The following PCDH15 variants were observed in gnomAD, a reference collection of about 807,000 sequenced individuals.
PCDH15 encodes protocadherin related 15.
Under a neutral mutation model 178.5 loss-of-function variants are expected in PCDH15, and 129 were observed. The observed-to-expected ratio is 0.72, with a 90% CI of 0.63 to 0.84. The LOEUF is 0.84. Ranked by LOEUF, PCDH15 falls within the 40% of genes least tolerant of loss-of-function variation. The pLI is 0.00. For synonymous variants in PCDH15, 800 were observed against 732.0 expected, an observed-to-expected ratio of 1.09 and a Z score of -1.50; for missense variants, 2,230 against 2,099.9, an observed-to-expected ratio of 1.06 and a Z score of -1.21.
intron 2 of PCDH15, among the ~76,000 whole-genome samples, chr10:55,475,693 G>T (rs1192107122): frequency 6.6e-6 from 1 of 152,044 alleles, no homozygotes; most frequent in Admixed American, 6.6e-5. Flanking sequence ...GTTTAAACTT[G>T]GGTCTCATCA....
chr10:54,846,364 G>C (rs115561884), intron 3 of PCDH15, among the ~76,000 whole-genome samples: 1 of 151,950 alleles, frequency 6.6e-6, no homozygotes, highest in East Asian at 1.9e-4. Context: ...CAGGTCCCTC[G>C]GGGTTTGTTA....
At chr10:55,550,932 CAA>C (rs1841991816) in intron 2 of PCDH15, among the ~76,000 whole-genome samples, 1 of 152,046 alleles carries the variant, frequency 6.6e-6, no homozygotes, top group African/African-American at 2.4e-5. Context: ...ATATTTGAGT[CAA>C]AATATTTTGT....
intron 4 of PCDH15, among the ~76,000 whole-genome samples, chr10:54,372,593 T>C (rs770365881): frequency 6.6e-6 from 1 of 151,946 alleles, no homozygotes; most frequent in Non-Finnish European, 1.5e-5. Context: ...AGTGAGAGTT[T>C]AGGGACTCTA....
chr10:54,331,311 GAC>G (rs1293074054), intron 6 of PCDH15, among the ~76,000 whole-genome samples: 1 of 151,592 alleles, frequency 6.6e-6, no homozygotes, highest in Non-Finnish European at 1.5e-5. Context: ...GATGCATAAA[GAC>G]ACACACACTG....
At chr10:55,573,031 CAAG>C (rs1842436685) in intron 2 of PCDH15, among the ~76,000 whole-genome samples, 1 of 152,014 alleles carries the variant, frequency 6.6e-6, no homozygotes, top group Non-Finnish European at 1.5e-5. Context: ...GACAATGTGA[CAAG>C]AAGAATGGAT....
chr10:55,211,846 T>C (rs913991681), intron 1 of PCDH15, among the ~76,000 whole-genome samples: 8 of 152,066 alleles, frequency 5.3e-5, no homozygotes, highest in African/African-American at 1.9e-4. Context: ...TTTATAGAAA[T>C]GATACAGAAG....
chr10:54,614,326 C>T (rs1246888981), intron 2 of PCDH15, among the ~76,000 whole-genome samples: 1 of 151,908 alleles, frequency 6.6e-6, no homozygotes, highest in Non-Finnish European at 1.5e-5. Context: ...CAAATCTCCG[C>T]TATTTTATTT....
At chr10:54,413,172 ATC>A (rs36062781) in intron 3 of PCDH15, among the ~76,000 whole-genome samples, 1 of 151,090 alleles carries the variant, frequency 6.6e-6, no homozygotes, top group Non-Finnish European at 1.5e-5. Context: ...ACAATATAGC[ATC>A]TCTCTCTCTC....
intron 2 of PCDH15, among the ~76,000 whole-genome samples, chr10:55,384,688 G>A (rs1837610589): frequency 6.6e-6 from 1 of 151,936 alleles, no homozygotes. Context: ...ATAAGTACTT[G>A]TATAATATTA....
chr10:55,383,043 C>G (rs376677923), intron 2 of PCDH15, among the ~76,000 whole-genome samples: 5 of 152,134 alleles, frequency 3.3e-5, no homozygotes, highest in African/African-American at 1.2e-4. Context: ...CAGGTTCTAA[C>G]TTGGCCTCCA....
chr10:54,171,911 T>C, intron 13 of PCDH15, among the ~76,000 whole-genome samples: 2 of 150,112 alleles, frequency 1.3e-5, no homozygotes, highest in African/African-American at 4.9e-5. Flanking sequence ...CCAGTCTAGG[T>C]TCCCACGCCG....
At chr10:54,794,370 C>A (rs1452127723) in intron 1 of PCDH15, among the ~76,000 whole-genome samples, 1 of 151,414 alleles carries the variant, frequency 6.6e-6, no homozygotes, top group Non-Finnish European at 1.5e-5. Flanking sequence ...ATCCTTAGCC[C>A]TAATTTACAA....
At chr10:55,607,031 G>T (rs1007949800) in intron 2 of PCDH15, among the ~76,000 whole-genome samples, 6 of 151,770 alleles carry the variant, frequency 4.0e-5, no homozygotes, top group Non-Finnish European at 1.5e-5. Context: ...AATCTACAAT[G>T]AACTCAAACA....
chr10:55,066,603 A>G (rs903351150), intron 2 of PCDH15, among the ~76,000 whole-genome samples: 2 of 149,516 alleles, frequency 1.3e-5, no homozygotes, highest in African/African-American at 4.9e-5. Context: ...TTATTCTAAG[A>G]TCTGTAAGTG....
intron 2 of PCDH15, among the ~76,000 whole-genome samples, chr10:54,638,508 C>T (rs1387073593): frequency 2.6e-5 from 4 of 151,988 alleles, no homozygotes; most frequent in Non-Finnish European, 5.9e-5. Context: ...TAAAGTACTT[C>T]GCCAAAAATT....
At chr10:55,071,948 T>C (rs1443382290) in intron 2 of PCDH15, among the ~76,000 whole-genome samples, 16 of 151,956 alleles carry the variant, frequency 1.1e-4, no homozygotes, top group African/African-American at 3.6e-4. Context: ...GAAACTGACT[T>C]AAAACCGCTC....
intron 3 of PCDH15, among the ~76,000 whole-genome samples, chr10:54,443,880 G>A (rs1214415867): frequency 2.6e-5 from 4 of 151,546 alleles, no homozygotes; most frequent in African/African-American, 9.7e-5. Context: ...AGAGCTCTAA[G>A]CTATGCTAAA....
At chr10:54,550,673 G>A (rs1193183587) in intron 2 of PCDH15, among the ~76,000 whole-genome samples, 2 of 152,148 alleles carry the variant, frequency 1.3e-5, no homozygotes, top group Non-Finnish European at 2.9e-5. Flanking sequence ...ACCTATAAAT[G>A]TTAGATAACT....
rs184047058 is a variant in PCDH15 at position 55,159,308 on chromosome 10, C to A, written c.-80+7268G>T. Among the ~76,000 whole-genome samples the A allele has an allele frequency of 6.2e-3, 919 of 147,918 alleles. 9 individuals carry two copies. Among genetic ancestry groups the A allele is most frequent in the South Asian group, 0.019 (90 of 4,694 alleles). ...TATCTATATATAGTTATATATATAT[C>A]TCTTCAAATTTCCTTTAGGAGGTAA... On this transcript the variant is annotated intron_variant, in intron 2 of 5. Transcript: ENST00000458638.
Sources: gnomAD v4.1 joint callset for allele counts (sites outside exome capture counted in the v4.1 genomes callset) on GRCh38, gnomAD v4.1.1 for gene constraint, MANE v1.5 for transcripts, NCBI Gene and HGNC (gene_info 2026-07-23, HGNC 2026-07-21) for gene names.